DPP10: variants seen among roughly 807,000 people sequenced by gnomAD.
DPP10 encodes the protein inactive dipeptidyl peptidase 10.
In DPP10, 33 loss-of-function variants were observed where a neutral mutation model predicts 120.9. The observed-to-expected ratio is 0.27, with a 90% CI of 0.21 to 0.37. DPP10 has a LOEUF of 0.37. Ranked by LOEUF, DPP10 falls within the 10% of genes least tolerant of loss-of-function variation. DPP10 has a pLI of 1.00. For synonymous variants in DPP10, 337 were observed against 326.1 expected, an observed-to-expected ratio of 1.03 and a Z score of -0.36; for missense variants, 816 against 942.8, an observed-to-expected ratio of 0.87 and a Z score of 1.76.
intron 1 of DPP10, among the ~76,000 whole-genome samples, chr2:114,820,680 A>G (rs1280791040): frequency 6.6e-6 from 1 of 152,152 alleles, no homozygotes; most frequent in Non-Finnish European, 1.5e-5. Flanking sequence ...TCTATATAAA[A>G]CCATCAGACC....
chr2:115,573,407 C>T (rs12476388), intron 5 of DPP10, among the ~76,000 whole-genome samples: 53,251 of 148,806 alleles, frequency 0.36, 9,955 homozygotes, highest in African/African-American at 0.44. Flanking sequence ...CTCAGCCTCC[C>T]GAGTAGCTGG....
intron 1 of DPP10, among the ~76,000 whole-genome samples, chr2:115,035,875 CCT>C (rs1704195930): frequency 6.6e-6 from 1 of 152,142 alleles, no homozygotes; most frequent in South Asian, 2.1e-4. Flanking sequence ...GTTCCTTTTT[CCT>C]CTGATACATT....
At chr2:114,889,530 T>A (rs2106632465) in intron 1 of DPP10, among the ~76,000 whole-genome samples, 1 of 152,138 alleles carries the variant, frequency 6.6e-6, no homozygotes, top group South Asian at 2.1e-4. Context: ...TAATGTAACT[T>A]TTAGGGTTGA....
At chr2:114,542,030 T>A (rs1409536991) in intron 1 of DPP10, among the ~76,000 whole-genome samples, 1 of 147,122 alleles carries the variant, frequency 6.8e-6, no homozygotes, top group African/African-American at 2.5e-5. Context: ...ACATACAGTT[T>A]TTTTTCTTTC....
chr2:115,609,598 A>C (rs2083951270), intron 5 of DPP10, among the ~76,000 whole-genome samples: 1 of 152,056 alleles, frequency 6.6e-6, no homozygotes, highest in South Asian at 2.1e-4. Context: ...CCCACCAAAA[A>C]CAAAAAAAAC....
intron 1 of DPP10, among the ~76,000 whole-genome samples, chr2:115,051,545 T>C (rs533552784): frequency 6.6e-6 from 1 of 152,296 alleles, no homozygotes; most frequent in African/African-American, 2.4e-5. Flanking sequence ...ACATGGTTAA[T>C]AGTAAATAAA....
intron 1 of DPP10, among the ~76,000 whole-genome samples, chr2:114,632,405 T>C (rs1011377310): frequency 6.6e-6 from 1 of 151,650 alleles, no homozygotes; most frequent in Non-Finnish European, 1.5e-5. Flanking sequence ...ACTATATATA[T>C]ATATTTGTAT....
At chr2:115,687,485 G>GGACA (rs1553480029) in intron 5 of DPP10, among the ~76,000 whole-genome samples, 1 of 146,900 alleles carries the variant, frequency 6.8e-6, no homozygotes, top group Non-Finnish European at 1.5e-5. Context: ...ATGGATGGAT[G>GGACA]GATAGATAGA....
In DPP10 at chr2:115,786,191, A is replaced by G. The variant is rs893260100; in HGVS notation, c.1531+3792A>G. 2.6e-5 allele frequency among the ~76,000 whole-genome samples: 4 copies of G among 152,334 alleles called. No individual in the cohort carries two copies. The East Asian group carries it at 7.7e-4, about 30-fold the overall frequency. On this transcript the variant is annotated intron_variant, in intron 17 of 25. Coordinates refer to ENST00000410059, the MANE Select transcript of DPP10 (RefSeq NM_020868.6). Reference sequence around the variant, plus strand: ...TTATTTCTCTAGTAAAAGTGCACACAGTTCAGGACAAGAGGAAGTCAATGA... The same window carrying G: ...TTATTTCTCTAGTAAAAGTGCACACGGTTCAGGACAAGAGGAAGTCAATGA...
chr2:115,839,705 T>C (rs1232544218), intron 24 of DPP10, among the ~76,000 whole-genome samples: 1 of 143,972 alleles, frequency 6.9e-6, no homozygotes, highest in Admixed American at 6.9e-5. Flanking sequence ...AGCTTAAACA[T>C]GAGTTACAGA....
chr2:115,808,059 G>A (rs1459662602), intron 19 of DPP10, among the ~76,000 whole-genome samples: 1 of 152,108 alleles, frequency 6.6e-6, no homozygotes, highest in Non-Finnish European at 1.5e-5. Flanking sequence ...TAACTATGAA[G>A]AAGCTCGTAA....
chr2:115,206,757 G>A (rs1359130168), intron 1 of DPP10, among the ~76,000 whole-genome samples: 1 of 152,134 alleles, frequency 6.6e-6, no homozygotes, highest in Non-Finnish European at 1.5e-5. Context: ...TACTGTAAGT[G>A]TATAATTATT....
At chr2:115,827,353 A>G (rs1009343859) in intron 21 of DPP10, among the ~76,000 whole-genome samples, 3 of 146,194 alleles carry the variant, frequency 2.1e-5, no homozygotes, top group African/African-American at 7.5e-5. Context: ...ATATATGTAC[A>G]TATATATGAA....
At chr2:114,878,922 A>T (rs557974674) in intron 1 of DPP10, among the ~76,000 whole-genome samples, 1 of 152,220 alleles carries the variant, frequency 6.6e-6, no homozygotes, top group Non-Finnish European at 1.5e-5. Context: ...ATTCATTTAC[A>T]AGACAAAATA....
intron 1 of DPP10, among the ~76,000 whole-genome samples, chr2:114,772,397 C>T (rs1266059285): frequency 2.6e-5 from 4 of 151,918 alleles, no homozygotes; most frequent in African/African-American, 4.8e-5. Context: ...TGACCTCATG[C>T]GATCCACCCA....
chr2:115,207,117 C>T (rs529962781), intron 1 of DPP10, among the ~76,000 whole-genome samples: 74 of 152,254 alleles, frequency 4.9e-4, no homozygotes, highest in African/African-American at 1.7e-3. Context: ...CTAGACCAAA[C>T]GATGCTTACA....
At chr2:114,583,350 A>G (rs1416457333) in intron 1 of DPP10, among the ~76,000 whole-genome samples, 1 of 152,222 alleles carries the variant, frequency 6.6e-6, no homozygotes, top group Non-Finnish European at 1.5e-5. Flanking sequence ...CTTTTTAACT[A>G]AGAAGACAAA....
chr2:115,657,746 A>T (rs910103647), intron 5 of DPP10, among the ~76,000 whole-genome samples: 4 of 152,000 alleles, frequency 2.6e-5, no homozygotes, highest in Non-Finnish European at 5.9e-5. Context: ...TGATAGATTG[A>T]TATATTTTAA....
rs567130599 is a variant in DPP10 at position 115,736,736 on chromosome 2, T to C, written c.698-3003T>C. 1.3e-4 allele frequency among the ~76,000 whole-genome samples: 20 copies of C among 152,304 alleles called. 1 individual carries two copies. The highest frequency in any genetic ancestry group is 3.8e-4 in the African/African-American group (16 of 41,570). On this transcript the variant is annotated intron_variant, in intron 8 of 25. Transcript: ENST00000410059. ...CAGCTCTTCCCCTGAGAAGTGATCCTATGTCAAAGGCTCAGCGATGGCCAC... is the reference window on the plus strand; with the variant it reads ...CAGCTCTTCCCCTGAGAAGTGATCCCATGTCAAAGGCTCAGCGATGGCCAC...
Sources: allele counts gnomAD v4.1 joint callset (sites outside exome capture counted in the v4.1 genomes callset), GRCh38; gene constraint gnomAD v4.1.1; transcripts MANE v1.5; gene names NCBI Gene and HGNC (gene_info 2026-07-23, HGNC 2026-07-21).